The following CEP128 variants were observed in gnomAD, a reference collection of about 807,000 sequenced individuals.
The protein encoded by CEP128 is centrosomal protein 128kDa.
A neutral mutation model predicts 156.7 loss-of-function variants in CEP128; 132 were observed. That is an observed-to-expected ratio of 0.84 (90% confidence interval 0.73 to 0.97). The LOEUF is 0.97. CEP128 is among the 50% of genes least tolerant of loss of function. The pLI is 0.00. For missense variants in CEP128, 1,252 were observed against 1,281.9 expected (o/e 0.98, Z 0.36); for synonymous variants, 469 against 448.9 (o/e 1.04, Z -0.57).
downstream of CEP128, among the ~76,000 whole-genome samples, chr14:80,488,353 C>A (rs1887217586): frequency 1.3e-5 from 2 of 148,864 alleles, no homozygotes; most frequent in South Asian, 2.2e-4. Context: ...CAAAAGAAGA[C>A]ATTTATGCAG....
At chr14:80,807,018 A>G (rs892308403) in intron 13 of CEP128, among the ~76,000 whole-genome samples, 2 of 152,194 alleles carry the variant, frequency 1.3e-5, no homozygotes, top group Non-Finnish European at 1.5e-5. Flanking sequence ...AACTAAGGAA[A>G]GCTATATAGA....
chr14:80,595,380 G>A lies in CEP128; in HGVS notation c.2807-14957C>T, dbSNP rs556613098. On this transcript the variant is annotated intron_variant, in intron 19 of 24. Coordinates refer to ENST00000555265, the MANE Select transcript of CEP128 (RefSeq NM_152446.5). ...GAGAAATAACTAATGTAGATGATGG[G>A]TTGATGGGTGCAGCAAACCACCATG... Among the ~76,000 whole-genome samples, 6 of 152,234 alleles carry A rather than the reference G, an allele frequency of 3.9e-5. No individual in the cohort carries two copies. The South Asian group carries it at 1.2e-3, about 32-fold the overall frequency.
intron 19 of CEP128, among the ~76,000 whole-genome samples, chr14:80,737,908 T>C (rs986777947): frequency 2.0e-5 from 3 of 152,080 alleles, no homozygotes; most frequent in Non-Finnish European, 2.9e-5. Context: ...AATCCGATGA[T>C]AAATTCAATT....
intron 14 of CEP128, among the ~76,000 whole-genome samples, chr14:80,478,994 A>G (rs532597549): frequency 2.2e-4 from 34 of 152,340 alleles, no homozygotes; most frequent in African/African-American, 7.7e-4. Context: ...AGGCCTAGAT[A>G]GTAAGAAACA....
chr14:80,549,334 C>G (rs1175536390), intron 21 of CEP128, among the ~76,000 whole-genome samples: 3 of 152,152 alleles, frequency 2.0e-5, no homozygotes, highest in Admixed American at 2.0e-4. Flanking sequence ...AGTGTCAAGT[C>G]TGAACAAATC....
At position 80,756,978 on chromosome 14, in the gene CEP128, A is replaced by G. The variant is rs368564206; in HGVS notation, c.2554-27T>C. On this transcript the variant is annotated intron_variant, in intron 17 of 24. Coordinates refer to ENST00000555265, the MANE Select transcript of CEP128 (RefSeq NM_152446.5). ...TACAAAAGAGAAAACAGTCGATTAGAAATACATTTTTCTCTGACATAAACA... is the reference window on the plus strand; with the variant it reads ...TACAAAAGAGAAAACAGTCGATTAGGAATACATTTTTCTCTGACATAAACA... 2.2e-4 allele frequency: 315 copies of G among 1,456,194 alleles called. 2 individuals are homozygous for G. The East Asian group carries it at 5.8e-3, about 27-fold the overall frequency. The allele number at this position is 1,456,194 out of a possible 1,614,324, so 90.2% of individuals were successfully genotyped here.
At chr14:80,588,930 T>G (rs180896385) in intron 19 of CEP128, among the ~76,000 whole-genome samples, 170 of 152,176 alleles carry the variant, frequency 1.1e-3, no homozygotes, top group Admixed American at 2.2e-3. Flanking sequence ...ACACATTGAG[T>G]GTTATCTCAC....
intron 14 of CEP128, among the ~76,000 whole-genome samples, chr14:80,480,542 T>C (rs923157942): frequency 3.9e-5 from 6 of 152,078 alleles, no homozygotes; most frequent in African/African-American, 1.4e-4. Context: ...GAAACCATAT[T>C]TTCCTCCTGG....
At chr14:80,598,665 C>T (rs1892445813) in intron 19 of CEP128, among the ~76,000 whole-genome samples, 1 of 152,066 alleles carries the variant, frequency 6.6e-6, no homozygotes. Context: ...ATAAGTAAAA[C>T]AATTTTTAAA....
At chr14:80,594,944 T>G (rs1367739202) in intron 19 of CEP128, among the ~76,000 whole-genome samples, 1 of 152,196 alleles carries the variant, frequency 6.6e-6, no homozygotes, top group Non-Finnish European at 1.5e-5. Context: ...GAACCAGAAA[T>G]ATCATTTGAC....
chr14:80,810,334 A>AAAAAAAAAAAAAAAAC (rs1884447203), intron 13 of CEP128, among the ~76,000 whole-genome samples: 1 of 145,536 alleles, frequency 6.9e-6, no homozygotes, highest in Non-Finnish European at 1.5e-5. Flanking sequence ...AAAAAAAAAA[A>AAAAAAAAAAAAAAAAC]AAAAAAAAAA....
chr14:80,831,609 T>TAA (rs199583399), intron 12 of CEP128, among the ~76,000 whole-genome samples: 12 of 129,554 alleles, frequency 9.3e-5, no homozygotes, highest in East Asian at 2.2e-4. Flanking sequence ...CTCCAAACAG[T>TAA]AAAAAAAAAA....
chr14:80,955,924 A>C, intron 2 of CEP128: 1 of 1,585,752 alleles, frequency 6.3e-7, no homozygotes, highest in South Asian at 1.1e-5. Flanking sequence ...AAGTGCACAA[A>C]AGCAGCTCAA....
intron 19 of CEP128, among the ~76,000 whole-genome samples, chr14:80,599,743 A>T (rs535967056): frequency 6.6e-6 from 1 of 152,292 alleles, no homozygotes; most frequent in African/African-American, 2.4e-5. Context: ...TATTTTAAAT[A>T]TGTACAAAAA....
Position 80,784,932 on chromosome 14 carries a change from T to A in CEP128, c.2174A>T (p.Glu725Val). Residue 725 changes from glutamate to valine, a missense_variant, in exon 15 of 25, where the codon GAA (glutamate) becomes GTA (valine). Glu to Val is a moderately radical substitution (Grantham distance 121, BLOSUM62 -2). Coordinates refer to ENST00000555265, the MANE Select transcript of CEP128 (RefSeq NM_152446.5). ...GATATGATTCTCAGCCTCACTCTTTTCTTTCTTAAAGTGCTTCATAAGCTC... is the reference window on the plus strand; with the variant it reads ...GATATGATTCTCAGCCTCACTCTTTACTTTCTTAAAGTGCTTCATAAGCTC... ...IQELMKHFKKEKSEAENHIRT... is the reference protein window; with the variant it reads ...IQELMKHFKKVKSEAENHIRT... 1 of 1,613,566 alleles carries A rather than the reference T, an allele frequency of 6.2e-7. No homozygotes were observed. Among genetic ancestry groups the A allele is most frequent in the Non-Finnish European group, 8.5e-7 (1 of 1,179,776 alleles).
At chr14:80,702,438 C>T (rs957285413) in intron 19 of CEP128, among the ~76,000 whole-genome samples, 1 of 152,152 alleles carries the variant, frequency 6.6e-6, no homozygotes, top group African/African-American at 2.4e-5. Flanking sequence ...TTCTTATTGT[C>T]ACCCTTCCCA....
chr14:80,938,174 G>C (rs1885926488), intron 2 of CEP128, among the ~76,000 whole-genome samples: 1 of 151,612 alleles, frequency 6.6e-6, no homozygotes. Flanking sequence ...TGGGATTACA[G>C]GCATGAGTCA....
rs770605079 is a variant in CEP128 at position 80,504,933 on chromosome 14, G to T, written c.3160C>A (p.Pro1054Thr). 6 of 1,588,722 alleles carry T rather than the reference G, an allele frequency of 3.8e-6. No homozygotes were observed. The highest frequency in any genetic ancestry group is 1.1e-5 in the South Asian group (1 of 88,386). Residue 1054 changes from proline to threonine, a missense_variant, in exon 24 of 25, where the codon CCA becomes ACA. Transcript: ENST00000555265. ...TTACAGTTCACGTATGAAAATCTTG[G>T]ACTAGACAGGAAGCGACTGTGATCC... ...WQDHSRFLSSPRFSYVNSFTK... is the reference protein window; with the variant it reads ...WQDHSRFLSSTRFSYVNSFTK...
At chr14:80,786,354 G>GA (rs1901406311) in intron 14 of CEP128, among the ~76,000 whole-genome samples, 1 of 151,916 alleles carries the variant, frequency 6.6e-6, no homozygotes. Flanking sequence ...AAACAGGAGG[G>GA]AAAAAAAGGA....
Sources: gnomAD v4.1 joint callset for allele counts (sites outside exome capture counted in the v4.1 genomes callset) on GRCh38, gnomAD v4.1.1 for gene constraint, MANE v1.5 for transcripts, NCBI Gene and HGNC (gene_info 2026-07-23, HGNC 2026-07-21) for gene names.